Variants in LEPR observed in about 807,000 individuals in gnomAD.
The protein encoded by LEPR is OB receptor.
LEPR carries 56 observed loss-of-function variants against 114.7 expected under a neutral mutation model. That is an observed-to-expected ratio of 0.49 (90% CI 0.39 to 0.61). The LOEUF (loss-of-function observed/expected upper bound fraction) is 0.61, where lower values mean the gene tolerates loss of function less well. LEPR is among the 20% of genes least tolerant of loss of function. The probability of loss-of-function intolerance (pLI) is 0.00; values close to 1 mark genes in which losing one functional copy is unlikely to be tolerated. For missense variants in LEPR, 1,202 were observed against 1,352.9 expected (o/e 0.89, Z 1.75); for synonymous variants, 443 against 461.4 (o/e 0.96, Z 0.51).
intron 3 of LEPR, among the ~76,000 whole-genome samples, chr1:65,568,703 C>T (rs1653946948): frequency 6.6e-6 from 1 of 152,080 alleles, no homozygotes; most frequent in Non-Finnish European, 1.5e-5. Flanking sequence ...AGTGGGATTG[C>T]TGGATTGAAT....
intron 12 of LEPR, 117 bp from the exon 13 acceptor site, chr1:65,609,830 G>A: frequency 1.4e-6 from 2 of 1,389,398 alleles, no homozygotes; most frequent in East Asian, 4.6e-5. Context: ...AGAGAACACA[G>A]AATCAGTTCT....
At chr1:65,459,260 G>A (rs562071720) in intron 2 of LEPR, among the ~76,000 whole-genome samples, 11 of 152,294 alleles carry the variant, frequency 7.2e-5, no homozygotes, top group African/African-American at 2.2e-4. Context: ...GGTAGTTACC[G>A]AGAAGCCAGC....
Position 65,515,523 on chromosome 1 carries a change from T to C in LEPR, c.-20-50023T>C, listed in dbSNP as rs1477554847. Among the ~76,000 whole-genome samples, 3 of 152,364 alleles carry C rather than the reference T, an allele frequency of 2.0e-5. No individual in the cohort carries two copies. The East Asian group carries it at 5.8e-4, about 29-fold the overall frequency. On this transcript the variant is annotated intron_variant, in intron 2 of 19. Coordinates refer to ENST00000349533, the MANE Select transcript of LEPR (RefSeq NM_002303.6). ...ATAGATACAGTTTTATTTTTACTTTTGTACCCCAAGAATACCTTCTTAGAA... is the reference window on the plus strand; with the variant it reads ...ATAGATACAGTTTTATTTTTACTTTCGTACCCCAAGAATACCTTCTTAGAA...
At chr1:65,616,828 AT>A (rs1657556894) in intron 15 of LEPR, among the ~76,000 whole-genome samples, 1 of 152,144 alleles carries the variant, frequency 6.6e-6, no homozygotes, top group Non-Finnish European at 1.5e-5. Context: ...TAAATTTTTA[AT>A]GGAAAATACA....
chr1:65,593,263 G>A (rs1354322893), intron 6 of LEPR, among the ~76,000 whole-genome samples: 1 of 152,006 alleles, frequency 6.6e-6, no homozygotes, highest in Non-Finnish European at 1.5e-5. Flanking sequence ...GAAAAAGAGT[G>A]GGACATTAGA....
chr1:65,530,367 A>G (rs888160814), intron 2 of LEPR, among the ~76,000 whole-genome samples: 2 of 152,208 alleles, frequency 1.3e-5, no homozygotes, highest in Non-Finnish European at 2.9e-5. Flanking sequence ...GGGTTCTTGG[A>G]TCTCATGCAA....
At chr1:65,440,954 T>A (rs569877955) in intron 2 of LEPR, among the ~76,000 whole-genome samples, 1 of 152,304 alleles carries the variant, frequency 6.6e-6, no homozygotes, top group East Asian at 1.9e-4. Context: ...CATAAATAAA[T>A]GCATTTTGTT....
chr1:65,445,345 GT>G (rs956400795), intron 2 of LEPR, among the ~76,000 whole-genome samples: 3 of 152,148 alleles, frequency 2.0e-5, no homozygotes, highest in African/African-American at 7.2e-5. Context: ...TTGTTAGTTT[GT>G]TTTTTGGTAA....
At chr1:65,546,246 C>A (rs1388182258) in intron 2 of LEPR, among the ~76,000 whole-genome samples, 1 of 152,138 alleles carries the variant, frequency 6.6e-6, no homozygotes, top group African/African-American at 2.4e-5. Context: ...TAGAGTGATG[C>A]CTCCAGCTTT....
intron 3 of LEPR, among the ~76,000 whole-genome samples, chr1:65,569,193 C>A (rs901049327): frequency 6.6e-6 from 1 of 152,128 alleles, no homozygotes; most frequent in Non-Finnish European, 1.5e-5. Context: ...CCACAATTTA[C>A]CCATTCACCT....
chr1:65,634,409 C>T (rs1658639928), intron 19 of LEPR: 7 of 971,168 alleles, frequency 7.2e-6, no homozygotes, highest in African/African-American at 1.8e-5. Flanking sequence ...CCACTCAACA[C>T]ATATTTAATA....
chr1:65,599,581 G>A (rs1265163196), intron 8 of LEPR, among the ~76,000 whole-genome samples: 1 of 152,144 alleles, frequency 6.6e-6, no homozygotes, highest in African/African-American at 2.4e-5. Flanking sequence ...AGTAGTTTAA[G>A]ACATTGACTT....
chr1:65,472,615 GACACACACACACACAC>G (rs77182938), intron 2 of LEPR, among the ~76,000 whole-genome samples: 2 of 137,076 alleles, frequency 1.5e-5, no homozygotes, highest in Non-Finnish European at 3.1e-5. Context: ...TATATATATA[GACACACACACACACAC>G]ACACACACAC....
chr1:65,601,426 T>C lies in LEPR; in HGVS notation c.1029T>C (p.Ser343=), dbSNP rs1805134. 0.21 allele frequency: 340,656 copies of C among 1,612,898 alleles called. 38,903 individuals carry two copies. Among genetic ancestry groups the C allele is most frequent in the South Asian group, 0.34 (30,786 of 91,042 alleles). Residue 343 remains serine, a synonymous_variant, in exon 9 of 20, where the codon AGT becomes AGC. Transcript: ENST00000349533. ...ACTTTCCACCTAAAATTCTGACAAG[T>C]GTTGGGTCTAATGTTTCTTTTCACT... ...VIYFPPKILT[S]VGSNVSFHCI... is the part of the protein sequence containing the mutation.
chr1:65,421,449 C>T, intron 1 of LEPR: 1 of 1,535,992 alleles, frequency 6.5e-7, no homozygotes, highest in Non-Finnish European at 8.7e-7. Context: ...TGCAAGGCTT[C>T]CTGTATTTTG....
chr1:65,456,881 G>GT (rs909641179), intron 2 of LEPR, among the ~76,000 whole-genome samples: 7 of 152,050 alleles, frequency 4.6e-5, no homozygotes, highest in African/African-American at 1.7e-4. Context: ...CTTTGACCCT[G>GT]TTTTTGTCTT....
chr1:65,514,851 A>G (rs1649206518), intron 2 of LEPR, among the ~76,000 whole-genome samples: 1 of 152,250 alleles, frequency 6.6e-6, no homozygotes, highest in Non-Finnish European at 1.5e-5. Context: ...TAAATCTAAG[A>G]TACTGTCATA....
chr1:65,548,510 T>C (rs1279891656), intron 2 of LEPR, among the ~76,000 whole-genome samples: 2 of 152,172 alleles, frequency 1.3e-5, no homozygotes, highest in African/African-American at 4.8e-5. Context: ...GGTGCATATA[T>C]ATTTAAGATA....
chr1:65,420,934 T>C (rs776649341), intron 1 of LEPR, among the ~76,000 whole-genome samples, 194 bp downstream of exon 1: 39 of 152,160 alleles, frequency 2.6e-4, no homozygotes, highest in Non-Finnish European at 5.0e-4. Context: ...GGGGGAGCCT[T>C]GGCCCTTTTT....
Sources: gnomAD v4.1 joint callset for allele counts (sites outside exome capture counted in the v4.1 genomes callset) on GRCh38, gnomAD v4.1.1 for gene constraint, MANE v1.5 for transcripts, NCBI Gene and HGNC (gene_info 2026-07-23, HGNC 2026-07-21) for gene names.